The following PTPRK variants were observed in gnomAD, a reference collection of about 807,000 sequenced individuals.
PTPRK encodes the protein receptor-type tyrosine-protein phosphatase kappa.
In PTPRK, 75 loss-of-function variants were observed where a neutral mutation model predicts 178.0. The ratio of observed to expected loss-of-function variants is 0.42; its 90% CI spans 0.35 to 0.51. The LOEUF (loss-of-function observed/expected upper bound fraction) is 0.51, where lower values mean the gene tolerates loss of function less well. Ranked by LOEUF, PTPRK falls within the 20% of genes least tolerant of loss-of-function variation. The probability of loss-of-function intolerance (pLI) is 0.02; values close to 1 mark genes in which losing one functional copy is unlikely to be tolerated. For synonymous variants in PTPRK, 637 were observed against 620.6 expected (o/e 1.03, Z -0.39); for missense variants, 1,441 against 1,797.8 (o/e 0.80, Z 3.59).
intron 2 of PTPRK, among the ~76,000 whole-genome samples, chr6:128,367,794 T>G (rs1031281819): frequency 6.6e-6 from 1 of 152,156 alleles, no homozygotes; most frequent in Non-Finnish European, 1.5e-5. Flanking sequence ...AAACACAGGT[T>G]TCTTAGCACA....
intron 13 of PTPRK, among the ~76,000 whole-genome samples, chr6:128,032,745 T>C (rs1775553925): frequency 6.6e-6 from 1 of 152,046 alleles, no homozygotes; most frequent in African/African-American, 2.4e-5. Context: ...TTTAGATCAA[T>C]AACATGAAGA....
intron 7 of PTPRK, among the ~76,000 whole-genome samples, chr6:128,170,008 T>A (rs578207598): frequency 1.6e-4 from 24 of 152,234 alleles, no homozygotes; most frequent in African/African-American, 5.8e-4. Flanking sequence ...ATAGTAGGCA[T>A]CTTCCTTTTG....
chr6:128,125,259 G>A (rs1372384712), intron 7 of PTPRK, among the ~76,000 whole-genome samples: 1 of 152,332 alleles, frequency 6.6e-6, no homozygotes, highest in East Asian at 1.9e-4. Flanking sequence ...GGTGGGAGGG[G>A]ATTGGATCAT....
chr6:128,239,770 G>C (rs1814045264), intron 5 of PTPRK, among the ~76,000 whole-genome samples: 1 of 152,066 alleles, frequency 6.6e-6, no homozygotes, highest in Non-Finnish European at 1.5e-5. Flanking sequence ...AGAATTTTTT[G>C]CAGTTTGAAT....
At chr6:128,240,538 T>C (rs141088993) in intron 4 of PTPRK, among the ~76,000 whole-genome samples, 4 of 152,116 alleles carry the variant, frequency 2.6e-5, no homozygotes, top group Non-Finnish European at 5.9e-5. Flanking sequence ...TATAAAGATA[T>C]AATGAAAACA....
intron 2 of PTPRK, among the ~76,000 whole-genome samples, chr6:128,324,911 A>C (rs1829336805): frequency 6.6e-6 from 1 of 152,176 alleles, no homozygotes; most frequent in Admixed American, 6.6e-5. Context: ...AGTCTCCCAG[A>C]ATAACTGGCT....
chr6:128,440,090 A>G (rs1197160380), intron 1 of PTPRK, among the ~76,000 whole-genome samples: 1 of 152,184 alleles, frequency 6.6e-6, no homozygotes, highest in Non-Finnish European at 1.5e-5. Flanking sequence ...CAGAGGGCCA[A>G]CTGTTCATAC....
chr6:128,318,966 A>G (rs1258544555), intron 3 of PTPRK, among the ~76,000 whole-genome samples: 1 of 152,182 alleles, frequency 6.6e-6, no homozygotes, highest in Non-Finnish European at 1.5e-5. Flanking sequence ...TAATACGATA[A>G]TTTCTATAAT....
intron 2 of PTPRK, among the ~76,000 whole-genome samples, chr6:128,378,653 T>G (rs1297965553): frequency 6.6e-6 from 1 of 152,092 alleles, no homozygotes. Context: ...GATTCTAAAA[T>G]AATTACTGCT....
chr6:127,977,829 T>C (rs1026219669), intron 25 of PTPRK, among the ~76,000 whole-genome samples: 4 of 152,194 alleles, frequency 2.6e-5, no homozygotes, highest in Non-Finnish European at 5.9e-5. Context: ...AAGGGAGAAG[T>C]AGTAAAAACA....
intron 7 of PTPRK, among the ~76,000 whole-genome samples, chr6:128,166,424 T>G (rs1228336972): frequency 1.3e-5 from 2 of 151,728 alleles, no homozygotes. Flanking sequence ...TTCTTTGAGA[T>G]TCTGTTTCTG....
intron 1 of PTPRK, among the ~76,000 whole-genome samples, chr6:128,485,221 C>T (rs1477479962): frequency 6.6e-6 from 1 of 152,180 alleles, no homozygotes; most frequent in Non-Finnish European, 1.5e-5. Context: ...AAATTTAGAA[C>T]AGTTGGTTAT....
chr6:128,438,969 T>C (rs532203624), intron 1 of PTPRK, among the ~76,000 whole-genome samples: 1 of 152,296 alleles, frequency 6.6e-6, no homozygotes, highest in African/African-American at 2.4e-5. Flanking sequence ...TGGATCAGTA[T>C]TCCAATTAGA....
At chr6:128,266,689 C>A (rs1237434405) in intron 3 of PTPRK, among the ~76,000 whole-genome samples, 3 of 152,072 alleles carry the variant, frequency 2.0e-5, no homozygotes, top group African/African-American at 7.2e-5. Context: ...CACATCTAAG[C>A]ACACACAATG....
intron 2 of PTPRK, among the ~76,000 whole-genome samples, chr6:128,342,032 C>T (rs1831732278): frequency 6.6e-6 from 1 of 152,156 alleles, no homozygotes; most frequent in African/African-American, 2.4e-5. Context: ...GCTGGCGGAT[C>T]ACCTGAGGTC....
intron 5 of PTPRK, among the ~76,000 whole-genome samples, chr6:128,232,310 A>G (rs573974030): frequency 6.6e-6 from 1 of 152,366 alleles, no homozygotes; most frequent in East Asian, 1.9e-4. Flanking sequence ...GCTCACGCTT[A>G]TCTCTGAAAC....
At chr6:128,122,115 AG>A (rs1792565767) in intron 7 of PTPRK, among the ~76,000 whole-genome samples, 2 of 152,142 alleles carry the variant, frequency 1.3e-5, no homozygotes, top group South Asian at 2.1e-4. Context: ...CCTGACATCT[AG>A]ATATTTTTAA....
Position 128,194,066 on chromosome 6 carries a change from ATTATTAT to A in PTPRK, c.869-9348_869-9342del, listed in dbSNP as rs1199071274. Among the ~76,000 whole-genome samples the A allele has an allele frequency of 6.7e-3, 534 of 79,336 alleles. 3 individuals carry two copies. The highest frequency in any genetic ancestry group is 0.029 in the African/African-American group (505 of 17,520). The allele number at this position is 79,336 out of a possible 152,430, so 52.0% of individuals were successfully genotyped here. A position where few individuals can be genotyped will look rare whatever the true frequency, so the allele number is the denominator to read the frequency against. On this transcript the variant is annotated intron_variant, in intron 6 of 29. Coordinates refer to ENST00000368226, the MANE Select transcript of PTPRK (RefSeq NM_002844.4). ...AAATCGCAATAATATTTATATATAT[ATTATTAT>A]TATTATTATTATTATTATTATTATT...
intron 13 of PTPRK, among the ~76,000 whole-genome samples, chr6:128,039,791 C>T (rs576739468): frequency 6.6e-6 from 1 of 152,240 alleles, no homozygotes; most frequent in South Asian, 2.1e-4. Context: ...AGGTGTGATG[C>T]CTTCCCTCCT....
Sources: allele counts gnomAD v4.1 joint callset (sites outside exome capture counted in the v4.1 genomes callset), GRCh38; gene constraint gnomAD v4.1.1; transcripts MANE v1.5; gene names NCBI Gene and HGNC (gene_info 2026-07-23, HGNC 2026-07-21).